Variants in TMEM178B observed in about 807,000 individuals in gnomAD.
The protein encoded by TMEM178B is transmembrane protein 178B.
TMEM178B carries 5 observed loss-of-function variants against 31.0 expected under a neutral mutation model. That is an observed-to-expected ratio of 0.16 (90% confidence interval 0.08 to 0.34). TMEM178B has a LOEUF of 0.34. Among genes scored for constraint, TMEM178B ranks in the 10% least tolerant of loss-of-function variants. The pLI is 1.00. For missense variants in TMEM178B, 275 were observed against 400.3 expected, an observed-to-expected ratio of 0.69 and a Z score of 2.67; for synonymous variants, 164 against 164.0, an observed-to-expected ratio of 1.00 and a Z score of 0.00.
At chr7:141,164,213 A>G (rs184002250) in intron 1 of TMEM178B, among the ~76,000 whole-genome samples, 3 of 152,374 alleles carry the variant, frequency 2.0e-5, no homozygotes, top group East Asian at 3.9e-4. Flanking sequence ...CCTGAAACTC[A>G]AAATGTGAAA....
At chr7:141,343,202 C>T (rs553458975) in intron 2 of TMEM178B, among the ~76,000 whole-genome samples, 3 of 152,332 alleles carry the variant, frequency 2.0e-5, no homozygotes, top group African/African-American at 7.2e-5. Context: ...TGATTCATCC[C>T]CGTACCACTC....
intron 1 of TMEM178B, among the ~76,000 whole-genome samples, chr7:141,089,687 A>G (rs1794847226): frequency 1.3e-5 from 2 of 152,228 alleles, no homozygotes; most frequent in African/African-American, 2.4e-5. Context: ...GCCATAAAAA[A>G]GGATGAGTTC....
At position 141,475,775 on chromosome 7, in the gene TMEM178B, T is replaced by G. The variant is rs573411444; in HGVS notation, c.*4989T>G. On this transcript the variant is annotated 3_prime_UTR_variant, in exon 4 of 4. Coordinates refer to ENST00000565468, the MANE Select transcript of TMEM178B (RefSeq NM_001195278.2). ...GGGCCTGTCTGCCTGCTTTCCTTCC[T>G]TCCTTTTCTTTCCTTTTTTTTTTTG... 1 of 148,286 alleles carries G rather than the reference T, an allele frequency of 6.7e-6. No homozygotes were observed. The highest frequency in any genetic ancestry group is 2.1e-4 in the South Asian group (1 of 4,780). 9.2% of individuals were successfully genotyped at this position (148,286 alleles called of 1,614,324 possible).
At chr7:141,488,234 C>T in the TMEM178B span, among the ~76,000 whole-genome samples, 2 of 152,244 alleles carry the variant, frequency 1.3e-5, no homozygotes, top group Admixed American at 6.5e-5. Context: ...TCAGAAAGTA[C>T]TCTAGCTCTC....
chr7:141,100,146 A>G lies in TMEM178B; in HGVS notation c.382+25454A>G, dbSNP rs1795030748. Among the ~76,000 whole-genome samples, 2 of 151,888 alleles carry G rather than the reference A, an allele frequency of 1.3e-5. 1 individual carries two copies. Among genetic ancestry groups the G allele is most frequent in the South Asian group, 4.1e-4 (2 of 4,820 alleles). On this transcript the variant is annotated intron_variant, in intron 1 of 3. Transcript: ENST00000565468. Reference sequence around the variant, plus strand: ...AATGGTGTCTCTTAATTCAGACTGCAATCCTAATCACCTGGGCAGTTTTAG... The same window carrying G: ...AATGGTGTCTCTTAATTCAGACTGCGATCCTAATCACCTGGGCAGTTTTAG...
chr7:141,456,757 A>G (rs879942823), intron 3 of TMEM178B, among the ~76,000 whole-genome samples: 1 of 152,204 alleles, frequency 6.6e-6, no homozygotes, highest in Non-Finnish European at 1.5e-5. Flanking sequence ...CATTCACCAG[A>G]AAGAGTTGGC....
chr7:141,483,639 C>T (rs767296168), downstream of TMEM178B, among the ~76,000 whole-genome samples: 1 of 152,154 alleles, frequency 6.6e-6, no homozygotes, highest in Non-Finnish European at 1.5e-5. Flanking sequence ...GAGAGTGCCT[C>T]GCCCAGAATC....
intron 1 of TMEM178B, among the ~76,000 whole-genome samples, chr7:141,107,760 C>T (rs1184630322): frequency 6.6e-6 from 1 of 152,084 alleles, no homozygotes; most frequent in Non-Finnish European, 1.5e-5. Flanking sequence ...ACTGGAGATA[C>T]AAATTTGAGA....
At chr7:141,232,375 G>A (rs1238724630) in intron 2 of TMEM178B, among the ~76,000 whole-genome samples, 1 of 152,096 alleles carries the variant, frequency 6.6e-6, no homozygotes, top group Non-Finnish European at 1.5e-5. Flanking sequence ...GGTCTTTGAG[G>A]AGTCGTCACA....
At chr7:141,238,566 A>G (rs1169043304) in intron 2 of TMEM178B, among the ~76,000 whole-genome samples, 1 of 152,220 alleles carries the variant, frequency 6.6e-6, no homozygotes, top group Non-Finnish European at 1.5e-5. Flanking sequence ...GTAATGCTTC[A>G]GAGAAGAAGA....
intron 1 of TMEM178B, among the ~76,000 whole-genome samples, chr7:141,169,659 C>T (rs1419232566): frequency 1.3e-5 from 2 of 152,176 alleles, no homozygotes; most frequent in African/African-American, 4.8e-5. Context: ...AAAATAATCA[C>T]TTGCAGAAAA....
At chr7:141,213,356 G>A (rs1279838294) in intron 2 of TMEM178B, among the ~76,000 whole-genome samples, 2 of 152,196 alleles carry the variant, frequency 1.3e-5, no homozygotes, top group African/African-American at 4.8e-5. Context: ...TGAGCAAACA[G>A]AGTTTGTTGG....
At chr7:141,341,632 C>A (rs1471477127) in intron 2 of TMEM178B, among the ~76,000 whole-genome samples, 2 of 152,176 alleles carry the variant, frequency 1.3e-5, no homozygotes, top group Non-Finnish European at 2.9e-5. Flanking sequence ...GGCTGGGAGG[C>A]TGCTTGGGAT....
chr7:141,177,559 C>G (rs1367563124), intron 1 of TMEM178B, among the ~76,000 whole-genome samples: 1 of 152,056 alleles, frequency 6.6e-6, no homozygotes, highest in Non-Finnish European at 1.5e-5. Context: ...AAGTCTCCTA[C>G]TATTATTGTG....
intron 1 of TMEM178B, among the ~76,000 whole-genome samples, chr7:141,164,982 A>T (rs1426672487): frequency 6.6e-6 from 1 of 152,196 alleles, no homozygotes; most frequent in East Asian, 1.9e-4. Context: ...TTTTTGAAAG[A>T]CATTTTATTT....
chr7:141,346,721 A>G (rs1337489459), intron 2 of TMEM178B, among the ~76,000 whole-genome samples: 1 of 152,216 alleles, frequency 6.6e-6, no homozygotes, highest in Non-Finnish European at 1.5e-5. Context: ...AAAGAGCCAC[A>G]TGGATATGTA....
intron 2 of TMEM178B, among the ~76,000 whole-genome samples, chr7:141,362,411 A>T (rs556495144): frequency 1.4e-4 from 21 of 152,240 alleles, no homozygotes; most frequent in Middle Eastern, 3.4e-3. Context: ...ATCATCTCTC[A>T]TGCTTCATAG....
At chr7:141,270,667 C>T (rs2099756560) in intron 2 of TMEM178B, among the ~76,000 whole-genome samples, 1 of 152,148 alleles carries the variant, frequency 6.6e-6, no homozygotes, top group South Asian at 2.1e-4. Context: ...GAGGTTTAAT[C>T]AAAAGGATAC....
chr7:141,110,518 C>G (rs537417894), intron 1 of TMEM178B, among the ~76,000 whole-genome samples: 8 of 152,274 alleles, frequency 5.3e-5, no homozygotes, highest in African/African-American at 1.4e-4. Context: ...AGAAGAGAGG[C>G]AGCTGTTTGG....
Sources: allele counts gnomAD v4.1 joint callset (sites outside exome capture counted in the v4.1 genomes callset), GRCh38; gene constraint gnomAD v4.1.1; transcripts MANE v1.5; gene names NCBI Gene and HGNC (gene_info 2026-07-23, HGNC 2026-07-21).